Variants in VPS13D observed in about 807,000 individuals in gnomAD.
VPS13D encodes the protein vacuolar protein sorting 13 homolog D, also known as intermembrane lipid transfer protein VPS13D.
A neutral mutation model predicts 461.9 loss-of-function variants in VPS13D; 187 were observed. That is an observed-to-expected ratio of 0.40 (90% CI 0.36 to 0.46). VPS13D has a LOEUF of 0.46. Ranked by LOEUF, VPS13D falls within the 20% of genes least tolerant of loss-of-function variation. VPS13D has a pLI of 0.60. For missense variants in VPS13D, 4,711 were observed against 5,364.9 expected (o/e 0.88, Z 3.81); for synonymous variants, 1,951 against 1,986.3 (o/e 0.98, Z 0.47).
At chr1:12,348,708 TGAA>T (rs1643730610) in intron 44 of VPS13D, 112 bp from the exon 45 acceptor site, 1 of 1,292,760 alleles carries the variant, frequency 7.7e-7, no homozygotes, top group South Asian at 1.5e-5. Context: ...CTGATTTCAC[TGAA>T]GAACTATAGT....
chr1:12,338,323 G>A lies in VPS13D; in HGVS notation c.8626+18G>A, dbSNP rs201971347. ...TGCTAGAGGTACAGTATAGCCAAGCGAGGGCTTGCTTTATTTTCCTGTTTT... is the reference window on the plus strand; with the variant it reads ...TGCTAGAGGTACAGTATAGCCAAGCAAGGGCTTGCTTTATTTTCCTGTTTT... On this transcript the variant is annotated intron_variant, in intron 40 of 69. Coordinates refer to ENST00000620676, the MANE Select transcript of VPS13D (RefSeq NM_015378.4). 379 of 1,610,074 alleles carry A rather than the reference G, an allele frequency of 2.4e-4. 2 individuals are homozygous for A. In the East Asian group the frequency reaches 6.8e-3, roughly 29 times the overall value.
chr1:12,346,539 C>T, intron 43 of VPS13D, 66 bp from the exon 44 acceptor site: 1 of 1,526,130 alleles, frequency 6.6e-7, no homozygotes, highest in East Asian at 2.3e-5. Context: ...ATTATGTTGT[C>T]ATTGAATTTA....
In VPS13D at chr1:12,276,466, A is replaced by G; in HGVS notation, c.2878A>G (p.Lys960Glu). The change falls in exon 19 of 70, where the codon AAA becomes GAA. Residue 960 changes from lysine (K) to glutamate (E), a missense_variant. Lys to Glu is a moderately conservative substitution (Grantham distance 56). Coordinates refer to ENST00000620676, the MANE Select transcript of VPS13D (RefSeq NM_015378.4). This position sits in a 1 kb window ranked among gnomAD's most constrained non-coding sequence, Gnocchi z 4.5. ...VESQLLLAEFKVNCMQLGVES... is the reference protein window; with the variant it reads ...VESQLLLAEFEVNCMQLGVES... ...GTCGCAGCTCCTCCTGGCGGAATTTAAAGTGAACTGTATGCAGCTTGGTGT... is the reference window on the plus strand; with the variant it reads ...GTCGCAGCTCCTCCTGGCGGAATTTGAAGTGAACTGTATGCAGCTTGGTGT... The G allele has an allele frequency of 1.2e-6, 2 of 1,614,190 alleles. No homozygotes were observed. The highest frequency in any genetic ancestry group is 1.7e-6 in the Non-Finnish European group (2 of 1,180,036).
chr1:12,246,515 C>T (rs1640555073), intron 5 of VPS13D, among the ~76,000 whole-genome samples: 1 of 152,136 alleles, frequency 6.6e-6, no homozygotes, highest in African/African-American at 2.4e-5. Flanking sequence ...AAAATGAAAT[C>T]CGGAACACTT....
intron 55 of VPS13D, 37 bp from the exon 56 acceptor site, chr1:12,378,391 A>G: frequency 6.5e-7 from 1 of 1,531,434 alleles, no homozygotes. Context: ...GCTGCCCATA[A>G]TGGCTCTTTC....
intron 2 of VPS13D, among the ~76,000 whole-genome samples, chr1:12,236,832 G>T (rs1343518906): frequency 6.6e-6 from 1 of 152,080 alleles, no homozygotes; most frequent in African/African-American, 2.4e-5. Context: ...AGTAACCTGG[G>T]TAGGTTATCA....
At chr1:12,489,148 G>T (rs1364254641) in intron 67 of VPS13D, among the ~76,000 whole-genome samples, 1 of 152,136 alleles carries the variant, frequency 6.6e-6, no homozygotes, top group Non-Finnish European at 1.5e-5. Context: ...CCATTAACAG[G>T]TAGTCTCGCC....
chr1:12,469,736 A>T (rs1645539039), intron 67 of VPS13D, among the ~76,000 whole-genome samples: 1 of 152,236 alleles, frequency 6.6e-6, no homozygotes, highest in South Asian at 2.1e-4. Context: ...ACAATTGGAA[A>T]TATTTTATCA....
rs1641351344 is a variant in VPS13D at position 12,268,824 on chromosome 1, G to A, written c.1920G>A (p.Gln640=). Residue 640 remains glutamine (Q), a synonymous_variant, in exon 16 of 70, where the codon CAG becomes CAA. Transcript: ENST00000620676. The part of the protein sequence containing the change: ...TRPLNIIYNP[Q]AIKKVADFFY... The stretch of plus-strand genomic sequence containing the variant: ...CCTTGAACATCATATACAATCCGCA[G>A]GCCATTAAAAAAGTAGCAGACTTTT... 4 of 1,613,574 alleles carry A rather than the reference G, an allele frequency of 2.5e-6. No homozygotes were observed. The highest frequency in any genetic ancestry group is 3.4e-6 in the Non-Finnish European group (4 of 1,179,816).
intron 21 of VPS13D, among the ~76,000 whole-genome samples, chr1:12,285,143 T>G (rs1641921830): frequency 6.6e-6 from 1 of 152,138 alleles, no homozygotes; most frequent in South Asian, 2.1e-4. Context: ...ACAAACATTT[T>G]TATTGTGAAA....
At chr1:12,385,701 G>C (rs1644342235) in intron 59 of VPS13D, among the ~76,000 whole-genome samples, 1 of 152,146 alleles carries the variant, frequency 6.6e-6, no homozygotes, top group Non-Finnish European at 1.5e-5. Context: ...TGTTTTCTCT[G>C]TTTGGGATTG....
Position 12,260,679 on chromosome 1 carries a change from T to C in VPS13D, c.1111-14T>C. 6.2e-7 allele frequency: 1 copy of C among 1,613,096 alleles called. No homozygotes were observed. Among genetic ancestry groups the C allele is most frequent in the Non-Finnish European group, 8.5e-7 (1 of 1,179,076 alleles). The stretch of plus-strand genomic sequence containing the variant: ...TGTGTTTTTGTTTATTTGCTTTTGT[T>C]TTCACCCAAACAGGAGGAAATGTGT... On this transcript the variant is annotated splice_polypyrimidine_tract_variant and intron_variant, in intron 10 of 69. Transcript: ENST00000620676.
chr1:12,328,416 G>A (rs1380278225), intron 36 of VPS13D, among the ~76,000 whole-genome samples: 1 of 149,160 alleles, frequency 6.7e-6, no homozygotes, highest in Non-Finnish European at 1.5e-5. Context: ...CCCAAGGTTG[G>A]TCTCAAACGC....
At chr1:12,375,870 A>T (rs1457965124) in intron 55 of VPS13D, among the ~76,000 whole-genome samples, 1 of 151,920 alleles carries the variant, frequency 6.6e-6, no homozygotes, top group Non-Finnish European at 1.5e-5. Flanking sequence ...CACCACACAC[A>T]CAAGCCCCAT....
At chr1:12,494,216 T>C (rs956238049) in intron 67 of VPS13D, among the ~76,000 whole-genome samples, 3 of 152,190 alleles carry the variant, frequency 2.0e-5, no homozygotes, top group African/African-American at 7.2e-5. Flanking sequence ...GGAAGATAGT[T>C]TGTGGCCTGT....
chr1:12,304,159 A>G (rs1200640010), intron 25 of VPS13D, among the ~76,000 whole-genome samples: 1 of 152,232 alleles, frequency 6.6e-6, no homozygotes, highest in African/African-American at 2.4e-5. Flanking sequence ...CATATAGCTG[A>G]GAGACTTGCT....
chr1:12,334,986 A>G (rs1643414641), intron 38 of VPS13D, among the ~76,000 whole-genome samples: 1 of 152,200 alleles, frequency 6.6e-6, no homozygotes, highest in Non-Finnish European at 1.5e-5. Flanking sequence ...TAACATCTTA[A>G]TTAGTATAAA....
At chr1:12,504,004 C>T (rs958343460) in intron 68 of VPS13D, among the ~76,000 whole-genome samples, 1 of 152,064 alleles carries the variant, frequency 6.6e-6, no homozygotes, top group African/African-American at 2.4e-5. Flanking sequence ...GGGAGCGTGC[C>T]GCGTTTGCCA....
At chr1:12,489,822 T>G (rs1267758774) in intron 67 of VPS13D, among the ~76,000 whole-genome samples, 1 of 152,212 alleles carries the variant, frequency 6.6e-6, no homozygotes, top group Non-Finnish European at 1.5e-5. Context: ...CAACCCATCA[T>G]TACCCCCACT....
Sources: gnomAD v4.1 joint callset for allele counts (sites outside exome capture counted in the v4.1 genomes callset) on GRCh38, gnomAD v4.1.1 for gene constraint, Gnocchi (gnomAD v3.1) non-coding constraint, MANE v1.5 for transcripts, NCBI Gene and HGNC (gene_info 2026-07-23, HGNC 2026-07-21) for gene names.